The following MAST4 variants were observed in gnomAD, a reference collection of about 807,000 sequenced individuals.
MAST4 encodes the protein microtubule-associated serine/threonine-protein kinase 4.
A neutral mutation model predicts 162.7 loss-of-function variants in MAST4; 89 were observed. That is an observed-to-expected ratio of 0.55 (90% CI 0.46 to 0.65). MAST4 has a LOEUF of 0.65. Ranked by LOEUF, MAST4 falls within the 30% of genes least tolerant of loss-of-function variation. The pLI, the probability that MAST4 is intolerant of heterozygous loss-of-function variation, is 0.00. For missense variants in MAST4, 3,153 were observed against 3,374.0 expected (o/e 0.93, Z 1.62); for synonymous variants, 1,479 against 1,361.1 (o/e 1.09, Z -1.91).
chr5:66,673,879 T>C (rs1386919701), intron 1 of MAST4, among the ~76,000 whole-genome samples: 1 of 152,244 alleles, frequency 6.6e-6, no homozygotes, highest in Non-Finnish European at 1.5e-5. Flanking sequence ...CTTTTGAGCC[T>C]TCATCTTTCA....
At position 66,678,569 on chromosome 5, in the gene MAST4, A is replaced by G. The variant is rs576560454; in HGVS notation, c.364-81140A>G. 2.0e-4 allele frequency among the ~76,000 whole-genome samples: 30 copies of G among 151,254 alleles called. No homozygotes were observed. The East Asian group carries it at 5.7e-3, about 29-fold the overall frequency. ...GAGTGCAGTGACACGATCTCGGCTC[A>G]CTGCAACCTCTGCCTCCTGGGTTCA... On this transcript the variant is annotated intron_variant, in intron 1 of 28. Transcript: ENST00000403625.
chr5:66,761,203 T>G (rs1004757363), intron 2 of MAST4, among the ~76,000 whole-genome samples: 2 of 152,242 alleles, frequency 1.3e-5, no homozygotes, highest in Non-Finnish European at 2.9e-5. Context: ...TATTGGACAA[T>G]TATTTGTGTC....
chr5:66,982,614 C>G (rs1383081282), intron 4 of MAST4, among the ~76,000 whole-genome samples: 1 of 152,204 alleles, frequency 6.6e-6, no homozygotes, highest in Non-Finnish European at 1.5e-5. Context: ...TTGAGAATGT[C>G]ATATTGCAGC....
chr5:66,723,040 A>C (rs1751311227), intron 1 of MAST4, among the ~76,000 whole-genome samples: 1 of 152,206 alleles, frequency 6.6e-6, no homozygotes, highest in Non-Finnish European at 1.5e-5. Flanking sequence ...CTGCCTTTTC[A>C]TCACAGTGGG....
At chr5:66,657,086 A>G (rs538404973) in intron 1 of MAST4, among the ~76,000 whole-genome samples, 126 of 152,350 alleles carry the variant, frequency 8.3e-4, no homozygotes, top group African/African-American at 2.9e-3. Flanking sequence ...AAAGGTAGAA[A>G]ACTTAAAAAT....
intron 12 of MAST4, 81 bp downstream of exon 12, chr5:67,114,300 A>G: frequency 6.7e-7 from 1 of 1,488,556 alleles, no homozygotes; most frequent in Non-Finnish European, 9.0e-7. Context: ...GCAAGTCTTT[A>G]TTTTTCCTCA....
chr5:67,109,950 A>C (rs1230920588), intron 10 of MAST4, 148 bp from the exon 11 acceptor site: 2 of 580,988 alleles, frequency 3.4e-6, no homozygotes, highest in Middle Eastern at 3.9e-4. Flanking sequence ...TATACAGATA[A>C]TGTCTGTTTA....
intron 4 of MAST4, among the ~76,000 whole-genome samples, chr5:67,049,448 A>G (rs1157916912): frequency 6.6e-6 from 1 of 152,162 alleles, no homozygotes; most frequent in South Asian, 2.1e-4. Flanking sequence ...CCTCCTGGTC[A>G]TGCCCTATTT....
At chr5:67,101,426 A>G (rs949306599) in intron 8 of MAST4, among the ~76,000 whole-genome samples, 1 of 152,166 alleles carries the variant, frequency 6.6e-6, no homozygotes, top group Non-Finnish European at 1.5e-5. Flanking sequence ...AGCTGATGCC[A>G]TCCCTGCAGG....
chr5:67,159,866 A>G (rs1476861821), intron 26 of MAST4, among the ~76,000 whole-genome samples: 1 of 152,216 alleles, frequency 6.6e-6, no homozygotes, highest in East Asian at 1.9e-4. Context: ...GCAAACTGAT[A>G]GGTTTTATGG....
chr5:66,736,449 TA>T (rs1752161818), intron 1 of MAST4, among the ~76,000 whole-genome samples: 1 of 151,910 alleles, frequency 6.6e-6, no homozygotes, highest in Admixed American at 6.6e-5. Flanking sequence ...AATTACTATT[TA>T]AAAAAATAGC....
intron 1 of MAST4, among the ~76,000 whole-genome samples, chr5:66,610,209 A>G (rs2149393248): frequency 6.6e-6 from 1 of 152,092 alleles, no homozygotes; most frequent in Admixed American, 6.5e-5. Flanking sequence ...CAGTGTTCTC[A>G]CATTTTCTCT....
rs1021616798 is a variant in MAST4, at chr5:67,054,335, C to T, written c.675-69C>T. The T allele has an allele frequency of 1.5e-5, 20 of 1,331,912 alleles. No individual in the cohort carries two copies. In the South Asian group the frequency reaches 1.5e-4, roughly 10 times the overall value. 82.5% of individuals were successfully genotyped at this position (1,331,912 alleles called of 1,614,324 possible). A position where few individuals can be genotyped will look rare whatever the true frequency, so the allele number is the denominator to read the frequency against. On this transcript the variant is annotated intron_variant, in intron 4 of 28. Coordinates refer to ENST00000403625, the MANE Select transcript of MAST4 (RefSeq NM_001164664.2). ...GTTGCTCAACCTGGTCCATGTCTAC[C>T]GGGAACATGGTTGAACATTATTGAT... is the stretch of plus-strand genomic sequence containing the variant.
chr5:67,015,822 G>A (rs1289825708), intron 4 of MAST4, among the ~76,000 whole-genome samples: 1 of 152,190 alleles, frequency 6.6e-6, no homozygotes, highest in East Asian at 1.9e-4. Flanking sequence ...GCATCTCTCT[G>A]TGACCCTTTT....
At chr5:66,871,443 C>T (rs1356337997) in intron 3 of MAST4, among the ~76,000 whole-genome samples, 2 of 152,128 alleles carry the variant, frequency 1.3e-5, no homozygotes, top group East Asian at 1.9e-4. Flanking sequence ...ATGTTATGTA[C>T]GTGTTGAGAA....
At chr5:66,677,477 GC>G (rs1748024836) in intron 1 of MAST4, among the ~76,000 whole-genome samples, 1 of 152,152 alleles carries the variant, frequency 6.6e-6, no homozygotes, top group African/African-American at 2.4e-5. Flanking sequence ...CAAAGTTTAT[GC>G]CTTTGTTCGT....
chr5:66,637,128 C>T (rs1745173008), intron 1 of MAST4, among the ~76,000 whole-genome samples: 1 of 152,110 alleles, frequency 6.6e-6, no homozygotes, highest in East Asian at 1.9e-4. Context: ...TTTCCCCCCT[C>T]ACTTGAGCAT....
chr5:67,021,216 A>G (rs909565682), intron 4 of MAST4, among the ~76,000 whole-genome samples: 3 of 152,198 alleles, frequency 2.0e-5, no homozygotes, highest in African/African-American at 7.2e-5. Flanking sequence ...GGTACAGGAC[A>G]GAACATGTTG....
intron 1 of MAST4, among the ~76,000 whole-genome samples, chr5:66,752,768 T>C (rs1753266730): frequency 6.7e-6 from 1 of 148,718 alleles, no homozygotes; most frequent in Non-Finnish European, 1.5e-5. Flanking sequence ...TACCCAGGAA[T>C]TGAACTCAGC....
Sources: gnomAD v4.1 joint callset for allele counts (sites outside exome capture counted in the v4.1 genomes callset) on GRCh38, gnomAD v4.1.1 for gene constraint, MANE v1.5 for transcripts, NCBI Gene and HGNC (gene_info 2026-07-23, HGNC 2026-07-21) for gene names.